Variants in SERPINE2 observed in about 807,000 individuals in gnomAD.
SERPINE2 encodes the protein serpin family E member 2, also known as glia-derived nexin.
SERPINE2 carries 14 observed loss-of-function variants against 36.3 expected under a neutral mutation model. That is an observed-to-expected ratio of 0.39 (90% confidence interval 0.25 to 0.60). The LOEUF is 0.60. SERPINE2 is among the 20% of genes least tolerant of loss of function. The pLI is 0.57. For synonymous variants in SERPINE2, 192 were observed against 191.8 expected (o/e 1.00, Z -0.01); for missense variants, 418 against 499.6 (o/e 0.84, Z 1.56).
intron 1 of SERPINE2, among the ~76,000 whole-genome samples, chr2:224,016,970 C>T (rs1170638404): frequency 5.9e-5 from 9 of 152,092 alleles, no homozygotes; most frequent in Non-Finnish European, 8.8e-5. Context: ...AGTTAGAGAA[C>T]AAGAGAGGGA....
intron 8 of SERPINE2, 144 bp downstream of exon 8, chr2:223,977,400 G>GGGT (rs1226864664): frequency 1.6e-6 from 1 of 638,410 alleles, no homozygotes; most frequent in Non-Finnish European, 2.9e-6. Context: ...TCTTTAACAT[G>GGGT]GGTGGTTATA....
rs189904693 is a variant in SERPINE2, at chr2:224,033,391, G to C, written c.-23+5708C>G. Among the ~76,000 whole-genome samples, 389 of 152,294 alleles carry C rather than the reference G, an allele frequency of 2.6e-3. 3 individuals are homozygous for C. Among genetic ancestry groups the C allele is most frequent in the South Asian group, 2.3e-3 (11 of 4,830 alleles). ...GAGAGACAAGAACTTTAAGGTGTAT[G>C]AGCACAGGATAATGCATTTACGAAA... On this transcript the variant is annotated intron_variant, in intron 1 of 8. Coordinates refer to ENST00000409304, the MANE Select transcript of SERPINE2 (RefSeq NM_001136528.2).
chr2:223,982,681 T>C lies in SERPINE2; in HGVS notation c.985A>G (p.Arg329Gly). ...SSKANFAKIT[R>G]SENLHVSHIL... ...CAAATACATTTTAAATTGAACATAC[T>C]TGTTATTTTTGCAAAATTTGCCTTT... The change falls in exon 6 of 9, where the codon AGG becomes GGG. Residue 329 changes from arginine to glycine, a missense_variant and splice_region_variant. Physicochemically the swap from Arg to Gly is moderately radical, Grantham distance 125. Transcript: ENST00000409304. 1.9e-6 allele frequency: 3 copies of C among 1,582,778 alleles called. No homozygotes were observed. The highest frequency in any genetic ancestry group is 2.6e-6 in the Non-Finnish European group (3 of 1,152,334).
intron 1 of SERPINE2, among the ~76,000 whole-genome samples, chr2:224,005,098 A>ATATAT (rs1559209284): frequency 6.9e-5 from 8 of 115,778 alleles, no homozygotes; most frequent in African/African-American, 2.8e-4. Context: ...TATATATATA[A>ATATAT]AACATTGTAA....
chr2:224,020,965 A>G (rs1691978776), intron 1 of SERPINE2, among the ~76,000 whole-genome samples: 1 of 152,244 alleles, frequency 6.6e-6, no homozygotes, highest in Non-Finnish European at 1.5e-5. Flanking sequence ...TTTTAAAACA[A>G]TGGCTTTAAC....
chr2:224,019,771 A>ATTTTTTTTT (rs1182167581), intron 1 of SERPINE2, among the ~76,000 whole-genome samples: 29 of 14,248 alleles, frequency 2.0e-3, no homozygotes, highest in South Asian at 0.02. Context: ...TTTTTAAAAA[A>ATTTTTTTTT]AAAAAAAGAA....
chr2:223,993,534 G>GTGTA lies in SERPINE2; in HGVS notation c.488-1535_488-1534insTACA, dbSNP rs750662088. ...CTGCATTATTAGCTCAAATATATGT[G>GTGTA]TGTGTGTGTGTGTGTGTGTGTGTGT... On this transcript the variant is annotated intron_variant, in intron 3 of 8. Transcript: ENST00000409304. Among the ~76,000 whole-genome samples the GTGTA allele has an allele frequency of 6.9e-5, 7 of 100,748 alleles. No homozygotes were observed. The Admixed American group carries it at 8.7e-4, about 12-fold the overall frequency. The allele number at this position is 100,748 out of a possible 152,430, so 66.1% of individuals were successfully genotyped here.
chr2:224,027,586 C>T (rs569221021), intron 1 of SERPINE2, among the ~76,000 whole-genome samples: 1 of 152,244 alleles, frequency 6.6e-6, no homozygotes, highest in East Asian at 1.9e-4. Flanking sequence ...GTGGTTGGGT[C>T]TGGTGGAGGA....
chr2:224,022,158 C>CAAAAA (rs71058977), intron 1 of SERPINE2, among the ~76,000 whole-genome samples: 3 of 72,584 alleles, frequency 4.1e-5, no homozygotes, highest in Non-Finnish European at 4.9e-5. Flanking sequence ...GACTCCTTCT[C>CAAAAA]AAAAAAAAAA....
chr2:224,035,510 G>A (rs2106207038), intron 1 of SERPINE2, among the ~76,000 whole-genome samples: 1 of 152,258 alleles, frequency 6.6e-6, no homozygotes, highest in Non-Finnish European at 1.5e-5. Context: ...AGCCTCCCGA[G>A]TAGCTGGGAT....
chr2:224,011,406 T>C (rs1320347992), intron 1 of SERPINE2, among the ~76,000 whole-genome samples: 1 of 152,238 alleles, frequency 6.6e-6, no homozygotes, highest in Non-Finnish European at 1.5e-5. Flanking sequence ...AATACAACCA[T>C]GAATTCTTAA....
chr2:223,991,580 A>G (rs1690673793), intron 4 of SERPINE2, among the ~76,000 whole-genome samples: 1 of 152,236 alleles, frequency 6.6e-6, no homozygotes, highest in South Asian at 2.1e-4. Context: ...TTTTGTACAT[A>G]ACTTATGCAT....
chr2:223,992,790 A>T (rs1690726394), intron 3 of SERPINE2, among the ~76,000 whole-genome samples: 1 of 152,160 alleles, frequency 6.6e-6, no homozygotes, highest in Admixed American at 6.5e-5. Flanking sequence ...TGTACCCCAT[A>T]TATGTACAAT....
At chr2:224,038,875 G>C (rs1692616189) in intron 1 of SERPINE2, 1 of 227,602 alleles carries the variant, frequency 4.4e-6, no homozygotes, top group East Asian at 9.0e-5. Context: ...GGGCGGGACC[G>C]GGATGCCCGG....
At chr2:224,031,488 A>G in intron 1 of SERPINE2, 1 of 985,530 alleles carries the variant, frequency 1.0e-6, no homozygotes, top group South Asian at 4.7e-5. Flanking sequence ...TGACCATGTG[A>G]TTTGGGATTC....
chr2:224,005,030 T>A (rs1243508266), intron 1 of SERPINE2, among the ~76,000 whole-genome samples: 1 of 101,168 alleles, frequency 9.9e-6, no homozygotes, highest in African/African-American at 3.6e-5. Flanking sequence ...TTATATTATA[T>A]AATATATAAA....
At chr2:223,988,771 G>A (rs1037360001) in intron 4 of SERPINE2, among the ~76,000 whole-genome samples, 1 of 152,156 alleles carries the variant, frequency 6.6e-6, no homozygotes, top group Non-Finnish European at 1.5e-5. Context: ...ACTCACTGCA[G>A]TGTTGTTATA....
intron 1 of SERPINE2, among the ~76,000 whole-genome samples, chr2:224,020,542 C>T (rs1453067411): frequency 6.6e-6 from 1 of 152,170 alleles, no homozygotes; most frequent in Non-Finnish European, 1.5e-5. Context: ...ATATAATATG[C>T]TGCTGAGCTT....
intron 3 of SERPINE2, among the ~76,000 whole-genome samples, chr2:223,996,720 G>C (rs13432693): frequency 0.26 from 40,029 of 152,092 alleles, 6,403 homozygotes; most frequent in African/African-American, 0.45. Flanking sequence ...CCTGAAAGGC[G>C]ACAGTTTCCC....
Sources: allele counts gnomAD v4.1 joint callset (sites outside exome capture counted in the v4.1 genomes callset), GRCh38; gene constraint gnomAD v4.1.1; transcripts MANE v1.5; gene names NCBI Gene and HGNC (gene_info 2026-07-23, HGNC 2026-07-21).